The following SYTL1 variants were observed in gnomAD, a reference collection of about 807,000 sequenced individuals.
SYTL1 encodes synaptotagmin like 1.
Under a neutral mutation model 74.6 loss-of-function variants are expected in SYTL1, and 53 were observed. That is an observed-to-expected ratio of 0.71 (90% CI 0.57 to 0.89). The LOEUF (loss-of-function observed/expected upper bound fraction) is 0.89. SYTL1 is among the 40% of genes least tolerant of loss of function. The pLI is 0.00. For missense variants in SYTL1, 728 were observed against 768.7 expected, an observed-to-expected ratio of 0.95 and a Z score of 0.63; for synonymous variants, 329 against 324.9, an observed-to-expected ratio of 1.01 and a Z score of -0.14.
In SYTL1 at chr1:27,347,475, C is replaced by T; in HGVS notation, c.246C>T (p.Asp82=). 1 of 1,614,148 alleles carries T rather than the reference C, an allele frequency of 6.2e-7. No individual in the cohort carries two copies. Among genetic ancestry groups the T allele is most frequent in the Non-Finnish European group, 8.5e-7 (1 of 1,180,050 alleles). Residue 82 remains aspartate (D), a synonymous_variant, in exon 3 of 15, where the codon GAC becomes GAT. Coordinates refer to ENST00000616558, the MANE Select transcript of SYTL1 (RefSeq NM_001193308.2). The surrounding 1 kb of genome is among the most constrained non-coding windows in gnomAD (Gnocchi z 4.9). ...GGCAGCTGAAGATCCTGACAGGGGA[C>T]TGGTTCCAGGAAGCACGCTCCCAGC... The part of the protein sequence containing the change: ...DPGQLKILTG[D]WFQEARSQRH...
chr1:27,349,664 T>C lies in SYTL1; in HGVS notation c.646T>C (p.Ser216Pro). 6.2e-7 allele frequency: 1 copy of C among 1,609,372 alleles called. No homozygotes were observed. Among genetic ancestry groups the C allele is most frequent in the Non-Finnish European group, 8.5e-7 (1 of 1,178,510 alleles). ...GCCCCCTCTGCAGACCAAGGCCGCG[T>C]CCCAGATCCTGGAGAATGGGGAGGA... is the stretch of plus-strand genomic sequence containing the variant. ...RPQQAQTKAA[S>P]QILENGEEAP... is the part of the protein sequence containing the mutation. Residue 216 changes from serine (S) to proline (P), a missense_variant, in exon 8 of 15, where the codon TCC (serine) becomes CCC (proline). Physicochemically the swap from Ser to Pro is moderately conservative, Grantham distance 74. Coordinates refer to ENST00000616558, the MANE Select transcript of SYTL1 (RefSeq NM_001193308.2).
Position 27,351,808 on chromosome 1 carries a change from C to A in SYTL1, c.1343+253C>A, listed in dbSNP as rs1011348254. ...GAGGCTGAGGGCTGCAAGGGTCCTT[C>A]CATAGAGAACCTGGGAGGCCAGGCT... is the stretch of plus-strand genomic sequence containing the variant. On this transcript the variant is annotated intron_variant, in intron 13 of 14. Transcript: ENST00000616558. This position sits in a 1 kb window ranked among gnomAD's most constrained non-coding sequence, Gnocchi z 5.0. 4.9e-6 allele frequency: 2 copies of A among 409,560 alleles called. No homozygotes were observed. Among genetic ancestry groups the A allele is most frequent in the Non-Finnish European group, 8.6e-6 (2 of 231,916 alleles). 25.4% of individuals were successfully genotyped at this position (409,560 alleles called of 1,614,324 possible).
chr1:27,349,940 C>T (rs757714393), intron 8 of SYTL1, 32 bp from the exon 9 acceptor site: 1 of 1,564,800 alleles, frequency 6.4e-7, no homozygotes, highest in Non-Finnish European at 8.6e-7. Context: ...GCCCTGCGAG[C>T]GGCCCTGACT....
Position 27,350,733 on chromosome 1 carries a change from T to C in SYTL1, c.1006-61T>C. ...CGCGGTAGGACCTGCCTCAGCCAAC[T>C]CGCGCAGCATCTACGCGGGCCACCA... On this transcript the variant is annotated intron_variant, in intron 10 of 14. Coordinates refer to ENST00000616558, the MANE Select transcript of SYTL1 (RefSeq NM_001193308.2). This position sits in a 1 kb window ranked among gnomAD's most constrained non-coding sequence, Gnocchi z 6.3. The C allele has an allele frequency of 6.3e-7, 1 of 1,575,808 alleles. No individual in the cohort carries two copies. The highest frequency in any genetic ancestry group is 8.7e-7 in the Non-Finnish European group (1 of 1,153,288).
Position 27,348,884 on chromosome 1 carries a change from A to C in SYTL1, c.460-196A>C, listed in dbSNP as rs140574591. Among the ~76,000 whole-genome samples the C allele has an allele frequency of 1.3e-5, 2 of 152,196 alleles. No individual in the cohort carries two copies. Among genetic ancestry groups the C allele is most frequent in the Non-Finnish European group, 2.9e-5 (2 of 68,030 alleles). ...CAATGGGAGTAGGGAGTCAGGCGGC[A>C]CAAGCCCTGCGGGGTGGGCTGTGAA... On this transcript the variant is annotated intron_variant, in intron 5 of 14. Coordinates refer to ENST00000616558, the MANE Select transcript of SYTL1 (RefSeq NM_001193308.2). This position sits in a 1 kb window ranked among gnomAD's most constrained non-coding sequence, Gnocchi z 4.1.
Position 27,350,747 on chromosome 1 carries a change from C to A in SYTL1, c.1006-47C>A. The A allele has an allele frequency of 1.3e-6, 2 of 1,598,412 alleles. No homozygotes were observed. Among genetic ancestry groups the A allele is most frequent in the South Asian group, 1.1e-5 (1 of 89,958 alleles). The stretch of plus-strand genomic sequence containing the variant: ...CCTCAGCCAACTCGCGCAGCATCTA[C>A]GCGGGCCACCAGCAGTGCTCCACTA... On this transcript the variant is annotated intron_variant, in intron 10 of 14. Transcript: ENST00000616558. This position sits in a 1 kb window ranked among gnomAD's most constrained non-coding sequence, Gnocchi z 6.3.
intron 8 of SYTL1, 51 bp from the exon 9 acceptor site, chr1:27,349,921 C>T (rs1374195051): frequency 6.4e-7 from 1 of 1,554,506 alleles, no homozygotes; most frequent in East Asian, 2.4e-5. Flanking sequence ...GCCCGCGGCC[C>T]CGACGTGAGC....
chr1:27,347,848 T>C lies in SYTL1; in HGVS notation c.381T>C (p.Ala127=), dbSNP rs1424943019. 1 of 1,613,956 alleles carries C rather than the reference T, an allele frequency of 6.2e-7. No individual in the cohort carries two copies. Among genetic ancestry groups the C allele is most frequent in the South Asian group, 1.1e-5 (1 of 91,062 alleles). The change falls in exon 4 of 15, where the codon GCT becomes GCC. Residue 127 remains alanine, a synonymous_variant. Transcript: ENST00000616558. The surrounding 1 kb of genome is among the most constrained non-coding windows in gnomAD (Gnocchi z 4.9). ...GCCACGACAGGGAGGCTGAGGCTGCTGTGAAAGAGAAGGAAGAGGGGCCAG... is the reference window on the plus strand; with the variant it reads ...GCCACGACAGGGAGGCTGAGGCTGCCGTGAAAGAGAAGGAAGAGGGGCCAG... ...APGHDREAEA[A]VKEKEEGPEP...
chr1:27,349,260 C>T lies in SYTL1; in HGVS notation c.532+108C>T. The T allele has an allele frequency of 2.0e-6, 3 of 1,484,760 alleles. No individual in the cohort carries two copies. In the South Asian group the frequency reaches 3.9e-5, roughly 19 times the overall value. 92.0% of individuals were successfully genotyped at this position (1,484,760 alleles called of 1,614,324 possible). A position where few individuals can be genotyped will look rare whatever the true frequency, so the allele number is the denominator to read the frequency against. On this transcript the variant is annotated intron_variant, in intron 6 of 14. Coordinates refer to ENST00000616558, the MANE Select transcript of SYTL1 (RefSeq NM_001193308.2). ...ACCCTCGTCACCCCCACTCCCACCCCGCGTCGGAGGTGGGGACGATCCCAG... is the reference window on the plus strand; with the variant it reads ...ACCCTCGTCACCCCCACTCCCACCCTGCGTCGGAGGTGGGGACGATCCCAG...
At position 27,348,447 on chromosome 1, in the gene SYTL1, A is replaced by C. The variant is rs1009911203; in HGVS notation, c.459+435A>C. Among the ~76,000 whole-genome samples, 2 of 151,948 alleles carry C rather than the reference A, an allele frequency of 1.3e-5. No homozygotes were observed. The highest frequency in any genetic ancestry group is 2.9e-5 in the Non-Finnish European group (2 of 67,966). The stretch of plus-strand genomic sequence containing the variant: ...ATAAAAAAAAAAGGCCGGTCGTGGC[A>C]GCTCACGCCTATAATCCCAGCACTT... On this transcript the variant is annotated intron_variant, in intron 5 of 14. Transcript: ENST00000616558. The surrounding 1 kb of genome is among the most constrained non-coding windows in gnomAD (Gnocchi z 4.1).
Position 27,353,714 on chromosome 1 carries a change from C to A in SYTL1, c.1551C>A (p.Gly517=). ...CAACCCCTGCCCACCCACATCCAGG[C>A]AGCAGCTATGGGCTGCAGGTGCCCT... ...LGGTRLSLGT[G]SSYGLQVPWM... is the part of the protein sequence containing the mutation. Residue 517 remains glycine (G), a splice_region_variant and synonymous_variant, in exon 15 of 15, where the codon GGC becomes GGA. Coordinates refer to ENST00000616558, the MANE Select transcript of SYTL1 (RefSeq NM_001193308.2). 1.9e-6 allele frequency: 3 copies of A among 1,612,242 alleles called. No individual in the cohort carries two copies. The highest frequency in any genetic ancestry group is 1.7e-6 in the Non-Finnish European group (2 of 1,178,942).
intron 1 of SYTL1, among the ~76,000 whole-genome samples, chr1:27,344,121 T>C (rs931918031): frequency 6.6e-6 from 1 of 152,062 alleles, no homozygotes; most frequent in Non-Finnish European, 1.5e-5. Context: ...TTCATTTTTT[T>C]TGGAGGAGTT....
At position 27,350,609 on chromosome 1, in the gene SYTL1, C is replaced by T. The variant is rs1328822001; in HGVS notation, c.1005+124C>T. ...AGGATCGGCGGAGGGGGCCCATTAACTCGTTATCCAGTGTTGTCAGCCTCG... is the reference window on the plus strand; with the variant it reads ...AGGATCGGCGGAGGGGGCCCATTAATTCGTTATCCAGTGTTGTCAGCCTCG... On this transcript the variant is annotated intron_variant, in intron 10 of 14. Coordinates refer to ENST00000616558, the MANE Select transcript of SYTL1 (RefSeq NM_001193308.2). This position sits in a 1 kb window ranked among gnomAD's most constrained non-coding sequence, Gnocchi z 6.3. 10 of 1,077,454 alleles carry T rather than the reference C, an allele frequency of 9.3e-6. No individual in the cohort carries two copies. Among genetic ancestry groups the T allele is most frequent in the Middle Eastern group, 2.0e-4 (1 of 4,914 alleles). The allele number at this position is 1,077,454 out of a possible 1,614,324, so 66.7% of individuals were successfully genotyped here. A position where few individuals can be genotyped will look rare whatever the true frequency, so the allele number is the denominator to read the frequency against.
chr1:27,344,182 T>C (rs553775909), intron 1 of SYTL1, among the ~76,000 whole-genome samples: 1 of 151,852 alleles, frequency 6.6e-6, no homozygotes, highest in Non-Finnish European at 1.5e-5. Flanking sequence ...CGGTTTACCA[T>C]AACCTCTGCC....
chr1:27,347,697 G>T lies in SYTL1; in HGVS notation c.341-111G>T. The T allele has an allele frequency of 1.8e-6, 2 of 1,084,854 alleles. No individual in the cohort carries two copies. Among genetic ancestry groups the T allele is most frequent in the Non-Finnish European group, 2.6e-6 (2 of 765,732 alleles). 67.2% of individuals were successfully genotyped at this position (1,084,854 alleles called of 1,614,324 possible). A position where few individuals can be genotyped will look rare whatever the true frequency, so the allele number is the denominator to read the frequency against. On this transcript the variant is annotated intron_variant, in intron 3 of 14. Transcript: ENST00000616558. The surrounding 1 kb of genome is among the most constrained non-coding windows in gnomAD (Gnocchi z 4.9). ...CCCAGTACTGTGTGTCTTTCAGTGG[G>T]CAATGCCCCTCCGTGGGCATGGGGT...
chr1:27,345,397 G>A lies in SYTL1; in HGVS notation c.63G>A (p.Ala21=), dbSNP rs1363074831. The change falls in exon 2 of 15, where the codon GCG becomes GCA. Residue 21 remains alanine (A), a synonymous_variant. Coordinates refer to ENST00000616558, the MANE Select transcript of SYTL1 (RefSeq NM_001193308.2). The surrounding 1 kb of genome is among the most constrained non-coding windows in gnomAD (Gnocchi z 6.0). ...GLWALPSLPM[A]HGPKPETEGL... ...GGGCTCTGCCCTCCCTCCCCATGGC[G>A]CATGGGCCAAAGCCTGAGACTGAAG... 5.1e-6 allele frequency: 8 copies of A among 1,556,994 alleles called. No individual in the cohort carries two copies. Among genetic ancestry groups the A allele is most frequent in the Admixed American group, 1.9e-5 (1 of 51,604 alleles).
In SYTL1 at chr1:27,353,404, C is replaced by G; in HGVS notation, c.1465C>G (p.Gln489Glu). Reference sequence around the variant, plus strand: ...TGGCTTTGGGCCTGCTGACCTGCGCCAGGCTTGTGCCGAGCTCTCCCTCTG... The same window carrying G: ...TGGCTTTGGGCCTGCTGACCTGCGCGAGGCTTGTGCCGAGCTCTCCCTCTG... ...YDGFGPADLR[Q>E]ACAELSLWDH... Residue 489 changes from glutamine (Q) to glutamate (E), a missense_variant, in exon 14 of 15, where the codon CAG becomes GAG. By Grantham distance (29) the Gln-to-Glu change is conservative. Transcript: ENST00000616558. 1 of 1,611,500 alleles carries G rather than the reference C, an allele frequency of 6.2e-7. No homozygotes were observed. Among genetic ancestry groups the G allele is most frequent in the Non-Finnish European group, 8.5e-7 (1 of 1,179,298 alleles).
At position 27,351,609 on chromosome 1, in the gene SYTL1, CCAACCTCCACAAACCCTTACTAAT is replaced by C; in HGVS notation, c.1343+61_1343+84del. 1 of 1,164,470 alleles carries C rather than the reference CCAACCTCCACAAACCCTTACTAAT, an allele frequency of 8.6e-7. No homozygotes were observed. Among genetic ancestry groups the C allele is most frequent in the Non-Finnish European group, 1.2e-6 (1 of 827,552 alleles). The allele number at this position is 1,164,470 out of a possible 1,614,324, so 72.1% of individuals were successfully genotyped here. On this transcript the variant is annotated intron_variant, in intron 13 of 14. Coordinates refer to ENST00000616558, the MANE Select transcript of SYTL1 (RefSeq NM_001193308.2). This position sits in a 1 kb window ranked among gnomAD's most constrained non-coding sequence, Gnocchi z 5.0. ...CATTCTTTTGCCTGCAGTGGAGTGC[CCAACCTCCACAAACCCTTACTAAT>C]CAACCTTTGATCACGCAGCCTGGGC... is the stretch of plus-strand genomic sequence containing the variant.
In SYTL1 at chr1:27,342,823, G is replaced by T. The variant is rs2014831621; in HGVS notation, c.-39+673G>T. On this transcript the variant is annotated intron_variant, in intron 1 of 14. Transcript: ENST00000616558. The surrounding 1 kb of genome is among the most constrained non-coding windows in gnomAD (Gnocchi z 4.7). ...CAACAGGGCACAGAGAGGGACGTGG[G>T]CTCACACCCCAATCCACAGGGGAGG... Among the ~76,000 whole-genome samples the T allele has an allele frequency of 6.6e-6, 1 of 151,880 alleles. No homozygotes were observed. Among genetic ancestry groups the T allele is most frequent in the Admixed American group, 6.6e-5 (1 of 15,264 alleles).
Sources: allele counts gnomAD v4.1 joint callset (sites outside exome capture counted in the v4.1 genomes callset), GRCh38; gene constraint gnomAD v4.1.1; non-coding constraint Gnocchi (gnomAD v3.1); transcripts MANE v1.5; gene names NCBI Gene and HGNC (gene_info 2026-07-23, HGNC 2026-07-21).